Variants in DPP6 observed in about 807,000 individuals in gnomAD.
The protein encoded by DPP6 is A-type potassium channel modulatory protein DPP6.
A neutral mutation model predicts 122.6 loss-of-function variants in DPP6; 69 were observed. That is an observed-to-expected ratio of 0.56 (90% CI 0.46 to 0.69). The LOEUF is 0.69. Ranked by LOEUF, DPP6 falls within the 30% of genes least tolerant of loss-of-function variation. The pLI is 0.00. For missense variants in DPP6, 928 were observed against 1,116.9 expected, an observed-to-expected ratio of 0.83 and a Z score of 2.41; for synonymous variants, 418 against 433.1, an observed-to-expected ratio of 0.97 and a Z score of 0.43.
At chr7:153,800,565 G>A in the DPP6 span, among the ~76,000 whole-genome samples, 1 of 152,166 alleles carries the variant, frequency 6.6e-6, no homozygotes, top group East Asian at 1.9e-4. Context: ...TGTCCAGGCT[G>A]GAATGTAGCG....
At chr7:154,399,469 G>T (rs537516613) in intron 1 of DPP6, among the ~76,000 whole-genome samples, 2 of 152,112 alleles carry the variant, frequency 1.3e-5, no homozygotes, top group Non-Finnish European at 2.9e-5. Flanking sequence ...GGTTAACCTC[G>T]CAGAATTGTT....
In DPP6 at chr7:154,267,997, A is replaced by G. The variant is rs190449517; in HGVS notation, c.244-178217A>G. 2.0e-3 allele frequency among the ~76,000 whole-genome samples: 306 copies of G among 149,708 alleles called. 7 individuals are homozygous for G. Among genetic ancestry groups the G allele is most frequent in the African/African-American group, 7.4e-3 (291 of 39,372 alleles). On this transcript the variant is annotated intron_variant, in intron 1 of 25. Coordinates refer to ENST00000377770, the MANE Select transcript of DPP6 (RefSeq NM_130797.4). ...TATGCGCACATACATATTTATGTGCATGTATATATTTATCCCTTACGAACA... is the reference window on the plus strand; with the variant it reads ...TATGCGCACATACATATTTATGTGCGTGTATATATTTATCCCTTACGAACA...
At position 154,465,864 on chromosome 7, in the gene DPP6, C is replaced by T. The variant is rs558174358; in HGVS notation, c.359-9075C>T. The stretch of plus-strand genomic sequence containing the variant: ...CAGCCATCCCATTACTGGGTATATA[C>T]CCAAAGGGTTATAAATCATTCTACT... On this transcript the variant is annotated intron_variant, in intron 2 of 25. Transcript: ENST00000377770. Among the ~76,000 whole-genome samples the T allele has an allele frequency of 1.1e-4, 17 of 152,290 alleles. No individual in the cohort carries two copies. The South Asian group carries it at 3.3e-3, about 30-fold the overall frequency.
chr7:154,647,486 G>C (rs922102836), intron 6 of DPP6, among the ~76,000 whole-genome samples: 2 of 152,178 alleles, frequency 1.3e-5, no homozygotes, highest in Non-Finnish European at 2.9e-5. Flanking sequence ...AGGGGTTATA[G>C]TATCAAAGTC....
chr7:154,546,973 G>A (rs1041404197), intron 4 of DPP6, among the ~76,000 whole-genome samples: 12 of 152,282 alleles, frequency 7.9e-5, no homozygotes, highest in Middle Eastern at 6.8e-3. Flanking sequence ...CCCTGAAACA[G>A]GGTAAATTTG....
In DPP6 at chr7:154,486,769, G is replaced by A. The variant is rs966903230; in HGVS notation, c.457+11732G>A. Reference sequence around the variant, plus strand: ...CTGAAAGCAGAGAGAGGTGTGTCTTGGGGCAGGGCAGCCGATTTCTTCCAC... The same window carrying A: ...CTGAAAGCAGAGAGAGGTGTGTCTTAGGGCAGGGCAGCCGATTTCTTCCAC... On this transcript the variant is annotated intron_variant, in intron 3 of 25. Coordinates refer to ENST00000377770, the MANE Select transcript of DPP6 (RefSeq NM_130797.4). This position sits in a 1 kb window ranked among gnomAD's most constrained non-coding sequence, Gnocchi z 4.5. Among the ~76,000 whole-genome samples the A allele has an allele frequency of 6.6e-6, 1 of 152,152 alleles. No individual in the cohort carries two copies. The highest frequency in any genetic ancestry group is 2.4e-5 in the African/African-American group (1 of 41,420).
At chr7:154,676,083 T>TCCCCATGTG (rs1838878109) in intron 7 of DPP6, among the ~76,000 whole-genome samples, 1 of 151,348 alleles carries the variant, frequency 6.6e-6, no homozygotes, top group Non-Finnish European at 1.5e-5. Flanking sequence ...CAGCTGTCCT[T>TCCCCATGTG]ACCTCCTACA....
chr7:154,058,528 T>G, intron 1 of DPP6: 1 of 135,610 alleles, frequency 7.4e-6, no homozygotes, highest in Admixed American at 7.2e-5. Context: ...AACCCCTGGT[T>G]CCCCCACTGG....
intron 1 of DPP6, among the ~76,000 whole-genome samples, chr7:154,015,089 G>T (rs903654715): frequency 1.6e-4 from 25 of 152,184 alleles, no homozygotes; most frequent in Non-Finnish European, 2.2e-4. Flanking sequence ...GAATATTGGT[G>T]GTGGTTCTCA....
chr7:154,074,447 C>G (rs1402120176), intron 1 of DPP6, among the ~76,000 whole-genome samples: 1 of 152,084 alleles, frequency 6.6e-6, no homozygotes, highest in African/African-American at 2.4e-5. Flanking sequence ...GACTATACCC[C>G]ACATGGATGC....
At chr7:153,863,143 T>C in the DPP6 span, among the ~76,000 whole-genome samples, 1 of 152,206 alleles carries the variant, frequency 6.6e-6, no homozygotes, top group Non-Finnish European at 1.5e-5. Flanking sequence ...ACTCTACCCA[T>C]CATGTATTGC....
At chr7:154,662,392 A>G (rs1261500993) in intron 6 of DPP6, among the ~76,000 whole-genome samples, 1 of 146,338 alleles carries the variant, frequency 6.8e-6, no homozygotes, top group African/African-American at 2.5e-5. Flanking sequence ...CCTAGTGTTC[A>G]TATAGTCATG....
chr7:154,319,940 G>A (rs4725536), intron 1 of DPP6, among the ~76,000 whole-genome samples: 13,122 of 150,288 alleles, frequency 0.087, 1,390 homozygotes, highest in African/African-American at 0.25. Flanking sequence ...GCGGTGAGCC[G>A]AGATCACACC....
At chr7:154,671,864 G>T (rs1368216952) in intron 7 of DPP6, among the ~76,000 whole-genome samples, 2 of 73,366 alleles carry the variant, frequency 2.7e-5, no homozygotes, top group African/African-American at 4.1e-5. Context: ...ACACACACAT[G>T]CACACACACA....
chr7:154,318,853 G>C (rs1048238052), intron 1 of DPP6, among the ~76,000 whole-genome samples: 1 of 152,076 alleles, frequency 6.6e-6, no homozygotes, highest in Non-Finnish European at 1.5e-5. Flanking sequence ...AAACAGCTTC[G>C]GAGAACCTGG....
At chr7:153,888,045 G>T (rs1173873276) in intron 1 of DPP6, among the ~76,000 whole-genome samples, 2 of 152,324 alleles carry the variant, frequency 1.3e-5, no homozygotes, top group East Asian at 1.9e-4. Flanking sequence ...CCGCGGGTCG[G>T]TCCGAGCCCC....
intron 12 of DPP6, among the ~76,000 whole-genome samples, chr7:154,798,144 G>C (rs769695443): frequency 2.4e-4 from 36 of 152,184 alleles, no homozygotes; most frequent in South Asian, 2.1e-4. Context: ...ATTCTCACAG[G>C]GGGAGCTGGC....
At chr7:153,867,204 G>C in the DPP6 span, among the ~76,000 whole-genome samples, 5 of 152,184 alleles carry the variant, frequency 3.3e-5, no homozygotes, top group Non-Finnish European at 2.9e-5. Context: ...TTGGTAGCTT[G>C]AGGGGGATGG....
chr7:154,757,807 G>T (rs975115116), intron 8 of DPP6, among the ~76,000 whole-genome samples: 9 of 152,224 alleles, frequency 5.9e-5, no homozygotes, highest in African/African-American at 1.9e-4. Flanking sequence ...TACCACAGGG[G>T]TGTTCAGGCC....
Sources: allele counts gnomAD v4.1 joint callset (sites outside exome capture counted in the v4.1 genomes callset), GRCh38; gene constraint gnomAD v4.1.1; non-coding constraint Gnocchi (gnomAD v3.1); transcripts MANE v1.5; gene names NCBI Gene and HGNC (gene_info 2026-07-23, HGNC 2026-07-21).